The following PSD2 variants were observed in gnomAD, a reference collection of about 807,000 sequenced individuals.
The protein encoded by PSD2 is PH and SEC7 domain-containing protein 2.
A neutral mutation model predicts 69.8 loss-of-function variants in PSD2; 38 were observed. The ratio of observed to expected loss-of-function variants is 0.54; its 90% CI spans 0.42 to 0.71. The LOEUF (loss-of-function observed/expected upper bound fraction) is 0.71. PSD2 is among the 30% of genes least tolerant of loss of function. The pLI is 0.00. For synonymous variants in PSD2, 412 were observed against 423.0 expected, an observed-to-expected ratio of 0.97 and a Z score of 0.32; for missense variants, 943 against 1,014.5, an observed-to-expected ratio of 0.93 and a Z score of 0.96.
At chr5:139,766,822 C>CCCTT in the PSD2 span, among the ~76,000 whole-genome samples, 6 of 51,348 alleles carry the variant, frequency 1.2e-4, no homozygotes, top group African/African-American at 2.3e-4. Flanking sequence ...CTGGGCAAGT[C>CCCTT]CCTTCCTTCT....
At chr5:139,767,605 G>A in the PSD2 span, among the ~76,000 whole-genome samples, 6 of 152,290 alleles carry the variant, frequency 3.9e-5, no homozygotes, top group East Asian at 1.2e-3. Flanking sequence ...GTGAGACACG[G>A]CATCTGGCCC....
chr5:139,750,036 A>G, the PSD2 span, among the ~76,000 whole-genome samples: 1 of 149,092 alleles, frequency 6.7e-6, no homozygotes, highest in Non-Finnish European at 1.5e-5. Flanking sequence ...AAAAAAAAAA[A>G]AAAACCAGGC....
At chr5:139,797,363 G>A (rs1759557180) in intron 1 of PSD2, among the ~76,000 whole-genome samples, 2 of 152,222 alleles carry the variant, frequency 1.3e-5, no homozygotes, top group African/African-American at 4.8e-5. Context: ...GGTGGGTGTG[G>A]CCCAGCTAAA....
chr5:139,759,061 G>A, the PSD2 span, among the ~76,000 whole-genome samples: 1 of 152,098 alleles, frequency 6.6e-6, no homozygotes. Context: ...GGGAGATCTA[G>A]GGGTGGTGCA....
Position 139,842,464 on chromosome 5 carries a change from C to G in PSD2, c.2306C>G (p.Pro769Arg), listed in dbSNP as rs140950652. 1.1e-4 allele frequency: 182 copies of G among 1,613,216 alleles called. No homozygotes were observed. The African/African-American group carries it at 2.1e-3, about 18-fold the overall frequency. The change falls in exon 15 of 15, where the codon CCT becomes CGT. Residue 769 changes from proline to arginine, a missense_variant. Physicochemically the swap from Pro to Arg is moderately radical, Grantham distance 103. Coordinates refer to ENST00000274710, the MANE Select transcript of PSD2 (RefSeq NM_032289.4). ...AAAACCACAAAGGATGCCACTGGGC[C>G]TGATACTTAGCTGACATGGATTTGC... is the stretch of plus-strand genomic sequence containing the variant. ...GSKTTKDATG[P>R]DT
intron 5 of PSD2, among the ~76,000 whole-genome samples, chr5:139,819,675 C>G (rs916089203): frequency 6.6e-6 from 1 of 152,144 alleles, no homozygotes; most frequent in Non-Finnish European, 1.5e-5. Context: ...CCCTTTTTGT[C>G]TTTGTTGCCT....
rs773513065 is a variant in PSD2, at chr5:139,822,813, G to A, written c.1269+29G>A. On this transcript the variant is annotated intron_variant, in intron 7 of 14. Transcript: ENST00000274710. ...AGTTGGGGAGGTGACGGGGGGTGTC[G>A]CATGTCCTCTCAGGGACCCACCTTG... 65 of 1,590,896 alleles carry A rather than the reference G, an allele frequency of 4.1e-5. No homozygotes were observed. In the East Asian group the frequency reaches 6.6e-4, roughly 16 times the overall value.
chr5:139,776,682 T>G, the PSD2 span, among the ~76,000 whole-genome samples: 5 of 144,550 alleles, frequency 3.5e-5, no homozygotes, highest in African/African-American at 5.3e-5. Flanking sequence ...TTTTTTTTTT[T>G]TTTCCAGATA....
At chr5:139,796,354 G>C (rs978267056) in intron 1 of PSD2, among the ~76,000 whole-genome samples, 6 of 152,360 alleles carry the variant, frequency 3.9e-5, no homozygotes, top group Admixed American at 2.0e-4. Context: ...GCGTGTGCGT[G>C]GGGGGTGCCA....
the PSD2 span, among the ~76,000 whole-genome samples, chr5:139,776,364 A>G: frequency 6.6e-6 from 1 of 152,210 alleles, no homozygotes; most frequent in Non-Finnish European, 1.5e-5. Context: ...AGGAAAAATC[A>G]TGGGTAATTT....
rs1760065318 is a variant in PSD2, at chr5:139,814,380, C to T, written c.1016+16C>T. Reference sequence around the variant, plus strand: ...TGGGCAAGAAGTGAGTGTGAGCTCCCCTGCCCCCAACCCTGGGCAAACCTC... The same window carrying T: ...TGGGCAAGAAGTGAGTGTGAGCTCCTCTGCCCCCAACCCTGGGCAAACCTC... On this transcript the variant is annotated intron_variant, in intron 4 of 14. Coordinates refer to ENST00000274710, the MANE Select transcript of PSD2 (RefSeq NM_032289.4). The surrounding 1 kb of genome is among the most constrained non-coding windows in gnomAD (Gnocchi z 4.4). The T allele has an allele frequency of 1.9e-6, 3 of 1,581,468 alleles. No homozygotes were observed. Among genetic ancestry groups the T allele is most frequent in the Non-Finnish European group, 2.6e-6 (3 of 1,163,444 alleles).
the PSD2 span, among the ~76,000 whole-genome samples, chr5:139,756,230 C>A: frequency 0.015 from 2,298 of 152,274 alleles, 61 homozygotes; most frequent in African/African-American, 0.052. Flanking sequence ...GCCGCTGCGC[C>A]CCCCCTTTCA....
At chr5:139,835,829 G>A in intron 9 of PSD2, 63 bp downstream of exon 9, 3 of 1,509,586 alleles carry the variant, frequency 2.0e-6, no homozygotes, top group Non-Finnish European at 2.8e-6. Flanking sequence ...GAGTGTGGGG[G>A]TGCAGGTCCG....
chr5:139,814,275 G>T lies in PSD2; in HGVS notation c.927G>T (p.Gly309=). The change falls in exon 4 of 15, where the codon GGG becomes GGT. Residue 309 remains glycine, a synonymous_variant. Transcript: ENST00000274710. This position sits in a 1 kb window ranked among gnomAD's most constrained non-coding sequence, Gnocchi z 4.4. The part of the protein sequence containing the change: ...SADPLANGCQ[G]VSEAAHRLAR... ...ACCCTCTGGCCAACGGGTGCCAGGG[G>T]GTCAGTGAAGCTGCTCATCGGCTGG... is the stretch of plus-strand genomic sequence containing the variant. 1 of 1,613,672 alleles carries T rather than the reference G, an allele frequency of 6.2e-7. No individual in the cohort carries two copies. The highest frequency in any genetic ancestry group is 8.5e-7 in the Non-Finnish European group (1 of 1,179,790).
chr5:139,801,656 T>C (rs1361420435), intron 1 of PSD2, among the ~76,000 whole-genome samples: 1 of 152,180 alleles, frequency 6.6e-6, no homozygotes, highest in Non-Finnish European at 1.5e-5. Flanking sequence ...ACCTATGTAC[T>C]GCCAGCCCCC....
Position 139,814,468 on chromosome 5 carries a change from G to T in PSD2, c.1016+104G>T. The stretch of plus-strand genomic sequence containing the variant: ...CTTCAGGGGTGCCAGGTGCTGGGGG[G>T]GCACTCCCAACAGTTCCCCAAGGAC... On this transcript the variant is annotated intron_variant, in intron 4 of 14. Transcript: ENST00000274710. The surrounding 1 kb of genome is among the most constrained non-coding windows in gnomAD (Gnocchi z 4.4). The T allele has an allele frequency of 9.4e-7, 1 of 1,063,178 alleles. No homozygotes were observed. 65.9% of individuals were successfully genotyped at this position (1,063,178 alleles called of 1,614,324 possible). A position where few individuals can be genotyped will look rare whatever the true frequency, so the allele number is the denominator to read the frequency against.
the PSD2 span, among the ~76,000 whole-genome samples, chr5:139,788,290 C>T: frequency 6.6e-6 from 1 of 152,126 alleles, no homozygotes; most frequent in Non-Finnish European, 1.5e-5. Context: ...CGACATGTCC[C>T]GTGTCCCTTC....
rs1238344418 is a variant in PSD2, at chr5:139,817,567, T to C, written c.1097+6T>C. 4 of 1,612,380 alleles carry C rather than the reference T, an allele frequency of 2.5e-6. No individual in the cohort carries two copies. The highest frequency in any genetic ancestry group is 1.7e-6 in the Non-Finnish European group (2 of 1,178,456). On this transcript the variant is annotated splice_donor_region_variant and intron_variant, in intron 5 of 14. Coordinates refer to ENST00000274710, the MANE Select transcript of PSD2 (RefSeq NM_032289.4). ...ACTCTGGACGGAGCACTCAGGTCAG[T>C]GGGGCTGGGACAGGCAGTGCCCACA...
chr5:139,778,154 G>A, the PSD2 span, among the ~76,000 whole-genome samples: 2 of 152,364 alleles, frequency 1.3e-5, no homozygotes, highest in African/African-American at 4.8e-5. Flanking sequence ...AGTGGCACTC[G>A]AGGTGTGAAG....
Sources: gnomAD v4.1 joint callset for allele counts (sites outside exome capture counted in the v4.1 genomes callset) on GRCh38, gnomAD v4.1.1 for gene constraint, Gnocchi (gnomAD v3.1) non-coding constraint, MANE v1.5 for transcripts, NCBI Gene and HGNC (gene_info 2026-07-23, HGNC 2026-07-21) for gene names.